The following ST6GALNAC5 variants were observed in gnomAD, a reference collection of about 807,000 sequenced individuals.
The protein encoded by ST6GALNAC5 is alpha-N-acetylgalactosaminide alpha-2,6-sialyltransferase 5.
Under a neutral mutation model 33.6 loss-of-function variants are expected in ST6GALNAC5, and 27 were observed. The observed-to-expected ratio is 0.80, with a 90% CI of 0.59 to 1.11. The LOEUF (loss-of-function observed/expected upper bound fraction) is 1.11. Among genes scored for constraint, ST6GALNAC5 ranks in the 50% least tolerant of loss-of-function variants. The pLI is 0.00. For missense variants in ST6GALNAC5, 428 were observed against 454.0 expected, an observed-to-expected ratio of 0.94 and a Z score of 0.52; for synonymous variants, 194 against 171.2, an observed-to-expected ratio of 1.13 and a Z score of -1.04.
chr1:76,944,886 A>G (rs1261983056), intron 2 of ST6GALNAC5, among the ~76,000 whole-genome samples: 1 of 152,132 alleles, frequency 6.6e-6, no homozygotes, highest in South Asian at 2.1e-4. Context: ...GGAAAAAAAA[A>G]TGTGTTTTGA....
At chr1:76,965,570 T>C (rs4949757) in intron 2 of ST6GALNAC5, among the ~76,000 whole-genome samples, 17,171 of 152,236 alleles carry the variant, frequency 0.11, 2,380 homozygotes, top group African/African-American at 0.33. Context: ...CCATTCACTC[T>C]GACAGTAGTT....
chr1:76,899,719 A>G (rs1646796458), intron 2 of ST6GALNAC5, among the ~76,000 whole-genome samples: 2 of 152,188 alleles, frequency 1.3e-5, no homozygotes, highest in African/African-American at 2.4e-5. Flanking sequence ...AATGAAAGGA[A>G]TTGAAATTAA....
intron 2 of ST6GALNAC5, among the ~76,000 whole-genome samples, chr1:76,881,653 G>T (rs912972086): frequency 1.3e-5 from 2 of 152,086 alleles, no homozygotes; most frequent in African/African-American, 4.8e-5. Context: ...CTTGTTGAAT[G>T]AATGAGAATA....
At chr1:76,942,774 G>A (rs897307853) in intron 2 of ST6GALNAC5, among the ~76,000 whole-genome samples, 9 of 152,214 alleles carry the variant, frequency 5.9e-5, no homozygotes, top group East Asian at 3.9e-4. Flanking sequence ...TGGGGATGAC[G>A]TGTTTGGCAG....
intron 2 of ST6GALNAC5, among the ~76,000 whole-genome samples, chr1:76,896,622 G>A (rs1052962336): frequency 1.2e-4 from 19 of 152,136 alleles, no homozygotes; most frequent in African/African-American, 4.1e-4. Context: ...CAGTCATGGG[G>A]GTCAGGTGTG....
intron 2 of ST6GALNAC5, among the ~76,000 whole-genome samples, chr1:76,973,095 A>C (rs2100367965): frequency 6.6e-6 from 1 of 152,168 alleles, no homozygotes; most frequent in Admixed American, 6.6e-5. Flanking sequence ...TTTGATGGGT[A>C]GGGTTTTTCT....
chr1:77,058,899 G>A (rs1439806157), intron 4 of ST6GALNAC5, among the ~76,000 whole-genome samples: 1 of 152,174 alleles, frequency 6.6e-6, no homozygotes, highest in Non-Finnish European at 1.5e-5. Flanking sequence ...GCCTCAGAGG[G>A]CTGATGAGGA....
intron 2 of ST6GALNAC5, among the ~76,000 whole-genome samples, chr1:76,996,354 G>A (rs768115008): frequency 6.6e-5 from 10 of 152,224 alleles, no homozygotes; most frequent in South Asian, 4.2e-4. Context: ...CCTACTATGC[G>A]CCAGACATGC....
At chr1:77,009,114 A>C (rs557930842) in intron 2 of ST6GALNAC5, among the ~76,000 whole-genome samples, 13 of 152,192 alleles carry the variant, frequency 8.5e-5, no homozygotes, top group Non-Finnish European at 1.5e-4. Context: ...ACAACAATAA[A>C]AACTAGCACT....
chr1:76,943,584 C>T (rs1647409052), intron 2 of ST6GALNAC5, among the ~76,000 whole-genome samples: 1 of 152,024 alleles, frequency 6.6e-6, no homozygotes, highest in Non-Finnish European at 1.5e-5. Flanking sequence ...CCAAACAAGC[C>T]TCCCATCTCC....
At chr1:77,027,300 T>A (rs1181436741) in intron 2 of ST6GALNAC5, among the ~76,000 whole-genome samples, 2 of 152,238 alleles carry the variant, frequency 1.3e-5, no homozygotes, top group Non-Finnish European at 2.9e-5. Flanking sequence ...TCAGAGCACC[T>A]ACATTAGGGG....
At chr1:76,956,727 A>G (rs1002255006) in intron 2 of ST6GALNAC5, among the ~76,000 whole-genome samples, 2 of 152,140 alleles carry the variant, frequency 1.3e-5, no homozygotes, top group Non-Finnish European at 2.9e-5. Flanking sequence ...CTGTATTTCC[A>G]TGACCTGCCA....
intron 2 of ST6GALNAC5, among the ~76,000 whole-genome samples, chr1:76,990,064 C>T (rs1417720718): frequency 6.6e-6 from 1 of 152,044 alleles, no homozygotes; most frequent in Non-Finnish European, 1.5e-5. Flanking sequence ...TAAACTCTCT[C>T]CTGAAGTTTA....
intron 2 of ST6GALNAC5, among the ~76,000 whole-genome samples, chr1:76,923,053 A>G (rs1647049913): frequency 6.6e-6 from 1 of 152,170 alleles, no homozygotes; most frequent in Non-Finnish European, 1.5e-5. Context: ...AAGAAAGCCT[A>G]TAAAAGGGCA....
Position 76,868,743 on chromosome 1 carries a change from G to T in ST6GALNAC5, c.261+1G>T. The T allele has an allele frequency of 6.7e-7, 1 of 1,496,342 alleles. No homozygotes were observed. The highest frequency in any genetic ancestry group is 8.9e-7 in the Non-Finnish European group (1 of 1,126,552). The allele number at this position is 1,496,342 out of a possible 1,614,324, so 92.7% of individuals were successfully genotyped here. A position where few individuals can be genotyped will look rare whatever the true frequency, so the allele number is the denominator to read the frequency against. On this transcript the variant is annotated splice_donor_variant, in intron 2 of 4. Transcript: ENST00000477717. LOFTEE classifies it high-confidence loss of function. This position sits in a 1 kb window ranked among gnomAD's most constrained non-coding sequence, Gnocchi z 4.3. ...ATACCTCGGAGTGGCGGACCACAAG[G>T]TGACAGCATGCCCGCCAGCCCGCTC... is the stretch of plus-strand genomic sequence containing the variant.
intron 2 of ST6GALNAC5, among the ~76,000 whole-genome samples, chr1:77,035,833 G>A (rs1243968760): frequency 6.6e-6 from 1 of 152,192 alleles, no homozygotes; most frequent in Non-Finnish European, 1.5e-5. Context: ...AGCCACTTTG[G>A]AAAGTAGTTT....
intron 2 of ST6GALNAC5, among the ~76,000 whole-genome samples, chr1:76,875,756 C>T (rs1395921072): frequency 6.6e-6 from 1 of 152,080 alleles, no homozygotes; most frequent in Non-Finnish European, 1.5e-5. Context: ...ATGGGAGAAA[C>T]AGTACCATAT....
intron 2 of ST6GALNAC5, among the ~76,000 whole-genome samples, chr1:76,881,762 T>C (rs887182711): frequency 6.6e-6 from 1 of 152,232 alleles, no homozygotes; most frequent in African/African-American, 2.4e-5. Context: ...GTCATAAATA[T>C]CAATTCCTCC....
intron 2 of ST6GALNAC5, among the ~76,000 whole-genome samples, chr1:76,977,672 C>T (rs1649066589): frequency 6.6e-6 from 1 of 152,120 alleles, no homozygotes; most frequent in East Asian, 1.9e-4. Context: ...AAGTAGCATT[C>T]CATTGTAAAC....
Sources: gnomAD v4.1 joint callset for allele counts (sites outside exome capture counted in the v4.1 genomes callset) on GRCh38, gnomAD v4.1.1 for gene constraint, Gnocchi (gnomAD v3.1) non-coding constraint, MANE v1.5 for transcripts, NCBI Gene and HGNC (gene_info 2026-07-23, HGNC 2026-07-21) for gene names.